Variants in CD74 observed in about 807,000 individuals in gnomAD.
The protein encoded by CD74 is CD74 molecule.
In CD74, 20 loss-of-function variants were observed where a neutral mutation model predicts 37.1. That is an observed-to-expected ratio of 0.54 (90% confidence interval 0.38 to 0.78). The LOEUF is 0.78. Among genes scored for constraint, CD74 ranks in the 30% least tolerant of loss-of-function variants. The pLI, the probability that CD74 is intolerant of heterozygous loss-of-function variation, is 0.00. For synonymous variants in CD74, 150 were observed against 152.0 expected, an observed-to-expected ratio of 0.99 and a Z score of 0.10; for missense variants, 338 against 389.5, an observed-to-expected ratio of 0.87 and a Z score of 1.11.
At chr5:150,410,171 C>T (rs913893849) in intron 1 of CD74, among the ~76,000 whole-genome samples, 1 of 152,188 alleles carries the variant, frequency 6.6e-6, no homozygotes, top group Non-Finnish European at 1.5e-5. Context: ...TGTTCAGGCT[C>T]TCCAGCCTCA....
Position 150,407,787 on chromosome 5 carries a change from T to A in CD74, c.126-463A>T, listed in dbSNP as rs1220667227. On this transcript the variant is annotated intron_variant, in intron 1 of 8. Transcript: ENST00000009530. The surrounding 1 kb of genome is among the most constrained non-coding windows in gnomAD (Gnocchi z 4.4). The stretch of plus-strand genomic sequence containing the variant: ...TTTGTTTTTTGAGACGGAGTCTTGC[T>A]CTGTCGCCCAGGCTGGAGTGCAGTG... 6.6e-6 allele frequency among the ~76,000 whole-genome samples: 1 copy of A among 152,152 alleles called. No individual in the cohort carries two copies. The highest frequency in any genetic ancestry group is 1.5e-5 in the Non-Finnish European group (1 of 68,032).
At position 150,407,411 on chromosome 5, in the gene CD74, C is replaced by T; in HGVS notation, c.126-87G>A. The T allele has an allele frequency of 4.5e-6, 5 of 1,112,744 alleles. No individual in the cohort carries two copies. Among genetic ancestry groups the T allele is most frequent in the Non-Finnish European group, 6.4e-6 (5 of 781,200 alleles). 68.9% of individuals were successfully genotyped at this position (1,112,744 alleles called of 1,614,324 possible). The stretch of plus-strand genomic sequence containing the variant: ...GGCTAGGAATGGGGAAATGTATACC[C>T]CCATCTCCATTAGACCCCTAAGCCA... On this transcript the variant is annotated intron_variant, in intron 1 of 8. Coordinates refer to ENST00000009530, the MANE Select transcript of CD74 (RefSeq NM_001025159.3). The surrounding 1 kb of genome is among the most constrained non-coding windows in gnomAD (Gnocchi z 4.4).
chr5:150,410,458 G>A (rs1324454593), intron 1 of CD74, among the ~76,000 whole-genome samples: 1 of 152,144 alleles, frequency 6.6e-6, no homozygotes, highest in Non-Finnish European at 1.5e-5. Context: ...CATTAAATAA[G>A]ATGATGAGGG....
In CD74 at chr5:150,403,366, G is replaced by T. The variant is rs1769758683; in HGVS notation, c.626-54C>A. The T allele has an allele frequency of 4.0e-6, 6 of 1,511,990 alleles. No individual in the cohort carries two copies. Among genetic ancestry groups the T allele is most frequent in the Middle Eastern group, 1.7e-4 (1 of 5,842 alleles). The allele number at this position is 1,511,990 out of a possible 1,614,324, so 93.7% of individuals were successfully genotyped here. ...GTGAGTGAGTGAGCTCTGAACCAGG[G>T]TCTGAGCAGAGCTAAAGACCCACAC... is the stretch of plus-strand genomic sequence containing the variant. On this transcript the variant is annotated intron_variant, in intron 6 of 8. Coordinates refer to ENST00000009530, the MANE Select transcript of CD74 (RefSeq NM_001025159.3). This position sits in a 1 kb window ranked among gnomAD's most constrained non-coding sequence, Gnocchi z 4.5.
In CD74 at chr5:150,402,310, C is replaced by T. The variant is rs1188540760; in HGVS notation, c.881-60G>A. 3.1e-6 allele frequency: 4 copies of T among 1,300,114 alleles called. No homozygotes were observed. Among genetic ancestry groups the T allele is most frequent in the Non-Finnish European group, 4.4e-6 (4 of 910,136 alleles). 80.5% of individuals were successfully genotyped at this position (1,300,114 alleles called of 1,614,324 possible). A position where few individuals can be genotyped will look rare whatever the true frequency, so the allele number is the denominator to read the frequency against. ...ACCCATTTGTTGTCCCTGCCCCTTT[C>T]TAACATCCTGGACCTGCAGAGCAGT... On this transcript the variant is annotated intron_variant, in intron 8 of 8. Coordinates refer to ENST00000009530, the MANE Select transcript of CD74 (RefSeq NM_001025159.3). The surrounding 1 kb of genome is among the most constrained non-coding windows in gnomAD (Gnocchi z 4.2).
At chr5:150,404,645 A>AG (rs1769841057) in intron 6 of CD74, 35 bp downstream of exon 6, 2 of 1,416,172 alleles carry the variant, frequency 1.4e-6, no homozygotes, top group African/African-American at 2.8e-5. Context: ...GAGGGTCCAG[A>AG]AGCCCTGGCA....
chr5:150,406,964 T>G lies in CD74; in HGVS notation c.299-4A>C. 6.4e-7 allele frequency: 1 copy of G among 1,573,068 alleles called. No individual in the cohort carries two copies. The highest frequency in any genetic ancestry group is 8.6e-7 in the Non-Finnish European group (1 of 1,166,092). ...ATCTTGCTCACAGGCTTGGGAGCTG[T>G]GGGGACAGGAACGAGGGTAAGTGTG... On this transcript the variant is annotated splice_region_variant and splice_polypyrimidine_tract_variant and intron_variant, in intron 2 of 8. Coordinates refer to ENST00000009530, the MANE Select transcript of CD74 (RefSeq NM_001025159.3).
At position 150,403,391 on chromosome 5, in the gene CD74, C is replaced by T. The variant is rs2151170690; in HGVS notation, c.626-79G>A. 1 of 1,253,432 alleles carries T rather than the reference C, an allele frequency of 8.0e-7. No homozygotes were observed. The highest frequency in any genetic ancestry group is 1.2e-6 in the Non-Finnish European group (1 of 857,566). 77.6% of individuals were successfully genotyped at this position (1,253,432 alleles called of 1,614,324 possible). ...GTCTGAGCAGAGCTAAAGACCCACACACCACTGCTGTGGGCTTAATGCCTT... is the reference window on the plus strand; with the variant it reads ...GTCTGAGCAGAGCTAAAGACCCACATACCACTGCTGTGGGCTTAATGCCTT... On this transcript the variant is annotated intron_variant, in intron 6 of 8. Transcript: ENST00000009530. The surrounding 1 kb of genome is among the most constrained non-coding windows in gnomAD (Gnocchi z 4.5).
chr5:150,405,865 C>G (rs575495693), intron 4 of CD74: 1 of 164,158 alleles, frequency 6.1e-6, no homozygotes, highest in African/African-American at 2.4e-5. Context: ...ACCTCCACTT[C>G]CCGGGTTAAA....
In CD74 at chr5:150,402,993, T is replaced by TACG. The variant is rs1769729255; in HGVS notation, c.817+125_817+127dup. The stretch of plus-strand genomic sequence containing the variant: ...ATGGATAAAGGGCTGGACGCATGAC[T>TACG]ACGTCACTGCCCCCAGGAGCTGCCA... On this transcript the variant is annotated intron_variant, in intron 7 of 8. Transcript: ENST00000009530. This position sits in a 1 kb window ranked among gnomAD's most constrained non-coding sequence, Gnocchi z 4.2. The TACG allele has an allele frequency of 7.0e-6, 5 of 715,616 alleles. No homozygotes were observed. The highest frequency in any genetic ancestry group is 5.3e-5 in the South Asian group (3 of 56,208). 44.3% of individuals were successfully genotyped at this position (715,616 alleles called of 1,614,324 possible).
At position 150,403,080 on chromosome 5, in the gene CD74, C is replaced by A. The variant is rs373060282; in HGVS notation, c.817+41G>T. On this transcript the variant is annotated intron_variant, in intron 7 of 8. Coordinates refer to ENST00000009530, the MANE Select transcript of CD74 (RefSeq NM_001025159.3). The surrounding 1 kb of genome is among the most constrained non-coding windows in gnomAD (Gnocchi z 4.5). ...CCTCTTGCCCCTCAACCTTCCTAGT[C>A]CTTCCTGGTCCTCTGACACTGGCAC... 1 of 1,561,520 alleles carries A rather than the reference C, an allele frequency of 6.4e-7. No individual in the cohort carries two copies. The highest frequency in any genetic ancestry group is 8.7e-7 in the Non-Finnish European group (1 of 1,146,128).
chr5:150,407,338 G>A lies in CD74; in HGVS notation c.126-14C>T. On this transcript the variant is annotated splice_polypyrimidine_tract_variant and intron_variant, in intron 1 of 8. Transcript: ENST00000009530. This position sits in a 1 kb window ranked among gnomAD's most constrained non-coding sequence, Gnocchi z 4.4. Reference sequence around the variant, plus strand: ...CGGCTGCACTTGCTGTGGGAGGTGGGGAGGATAGGTCAGAGGAGGATCCAC... The same window carrying A: ...CGGCTGCACTTGCTGTGGGAGGTGGAGAGGATAGGTCAGAGGAGGATCCAC... The A allele has an allele frequency of 6.3e-7, 1 of 1,598,548 alleles. No homozygotes were observed. The highest frequency in any genetic ancestry group is 8.5e-7 in the Non-Finnish European group (1 of 1,173,510).
intron 1 of CD74, among the ~76,000 whole-genome samples, chr5:150,411,978 T>A (rs7724855): frequency 0.22 from 34,069 of 152,062 alleles, 4,124 homozygotes; most frequent in African/African-American, 0.3. Flanking sequence ...TTATTTATTT[T>A]TTTTGAGACA....
At chr5:150,405,971 A>T in intron 4 of CD74, 1 of 278,604 alleles carries the variant, frequency 3.6e-6, no homozygotes, top group Non-Finnish European at 7.3e-6. Context: ...GACTTTCACT[A>T]TGTTGGCCAG....
Position 150,401,718 on chromosome 5 carries a change from G to A in CD74, c.*522C>T. On this transcript the variant is annotated 3_prime_UTR_variant, in exon 9 of 9. Transcript: ENST00000009530. ...AAGCTTGGCTGAGCAGAGGGAACTA[G>A]GGGTCGGCAGAAAGGATTATGGGTG... The A allele has an allele frequency of 1.7e-6, 1 of 579,240 alleles. No individual in the cohort carries two copies. The allele number at this position is 579,240 out of a possible 1,614,324, so 35.9% of individuals were successfully genotyped here. A position where few individuals can be genotyped will look rare whatever the true frequency, so the allele number is the denominator to read the frequency against.
chr5:150,402,052 C>T lies in CD74; in HGVS notation c.*188G>A, dbSNP rs1258402650. On this transcript the variant is annotated 3_prime_UTR_variant, in exon 9 of 9. Transcript: ENST00000009530. This position sits in a 1 kb window ranked among gnomAD's most constrained non-coding sequence, Gnocchi z 4.2. ...ACAGATGGAGATTGGGCAGCAGGGCCTTGCTGCATTGTTATCTGCTGTTCC... is the reference window on the plus strand; with the variant it reads ...ACAGATGGAGATTGGGCAGCAGGGCTTTGCTGCATTGTTATCTGCTGTTCC... 2.0e-6 allele frequency: 3 copies of T among 1,537,842 alleles called. No homozygotes were observed. The South Asian group carries it at 3.6e-5, about 18-fold the overall frequency.
chr5:150,404,706 T>G lies in CD74; in HGVS notation c.599A>C (p.Gln200Pro), dbSNP rs200578384. 29 of 1,585,390 alleles carry G rather than the reference T, an allele frequency of 1.8e-5. No individual in the cohort carries two copies. In the African/African-American group the frequency reaches 3.4e-4, roughly 18 times the overall value. ...LFEMSRHSLE[Q>P]KPTDAPPKVL... ...TTTCGGTGGAGCGTCAGTGGGCTTT[T>G]GCTCCAAGGAGTGCCTGCTCATTTC... Residue 200 changes from glutamine (Q) to proline (P), a missense_variant, in exon 6 of 9, where the codon CAA (glutamine) becomes CCA (proline). Physicochemically the swap from Gln to Pro is moderately conservative, Grantham distance 76 (BLOSUM62 -1). Coordinates refer to ENST00000009530, the MANE Select transcript of CD74 (RefSeq NM_001025159.3).
intron 6 of CD74, chr5:150,404,441 G>A (rs2151175585): frequency 1.9e-6 from 1 of 526,144 alleles, no homozygotes; most frequent in Non-Finnish European, 3.5e-6. Context: ...GTGGTGACAG[G>A]CCTCTGTGGG....
In CD74 at chr5:150,402,242, A is replaced by T. The variant is rs2151165622; in HGVS notation, c.889T>A (p.Ter297ArgextTer103). 6.2e-7 allele frequency: 1 copy of T among 1,600,992 alleles called. No homozygotes were observed. The highest frequency in any genetic ancestry group is 8.5e-7 in the Non-Finnish European group (1 of 1,173,162). ...TKQDLGPVPM[*>R] ...GTTGAAGACCGCCTCTGCTGCTCTC[A>T]CATGGGGACTGGAGAGAGAAGCAGC... Residue 297 changes from the stop codon to arginine (R), a stop_lost, in exon 9 of 9, where the codon TGA (stop) becomes AGA (arginine). Transcript: ENST00000009530. This position sits in a 1 kb window ranked among gnomAD's most constrained non-coding sequence, Gnocchi z 4.2.
Sources: allele counts gnomAD v4.1 joint callset (sites outside exome capture counted in the v4.1 genomes callset), GRCh38; gene constraint gnomAD v4.1.1; non-coding constraint Gnocchi (gnomAD v3.1); transcripts MANE v1.5; gene names NCBI Gene and HGNC (gene_info 2026-07-23, HGNC 2026-07-21).